The following USH2A variants were observed in gnomAD, a reference collection of about 807,000 sequenced individuals.
USH2A encodes usherin, also known as Usher syndrome 2A (autosomal recessive, mild).
Under a neutral mutation model 538.9 loss-of-function variants are expected in USH2A, and 443 were observed. That is an observed-to-expected ratio of 0.82 (90% CI 0.76 to 0.89). The LOEUF (loss-of-function observed/expected upper bound fraction) is 0.89, where lower values mean the gene tolerates loss of function less well. Ranked by LOEUF, USH2A falls within the 40% of genes least tolerant of loss-of-function variation. The pLI is 0.00. For synonymous variants in USH2A, 2,413 were observed against 2,273.5 expected (o/e 1.06, Z -1.75); for missense variants, 6,633 against 6,324.8 (o/e 1.05, Z -1.65).
At chr1:215,649,728 C>T (rs1016515504) in intron 65 of USH2A, among the ~76,000 whole-genome samples, 1 of 152,144 alleles carries the variant, frequency 6.6e-6, no homozygotes, top group African/African-American at 2.4e-5. Flanking sequence ...CCAAATTGTT[C>T]CCTAAATTGG....
chr1:215,786,554 G>C, intron 52 of USH2A, 116 bp downstream of exon 52: 1 of 1,143,602 alleles, frequency 8.7e-7, no homozygotes, highest in Non-Finnish European at 1.3e-6. Context: ...AAAGTATGAT[G>C]GAATGTACTG....
At chr1:215,979,673 A>T (rs1035990406) in intron 35 of USH2A, among the ~76,000 whole-genome samples, 6 of 152,168 alleles carry the variant, frequency 3.9e-5, no homozygotes, top group African/African-American at 1.2e-4. Context: ...GGCAGAAGAA[A>T]TATCTTTAGC....
At position 215,758,621 on chromosome 1, in the gene USH2A, G is replaced by C; in HGVS notation, c.11363C>G (p.Ser3788Cys). Residue 3788 changes from serine (S) to cysteine (C), a missense_variant, in exon 58 of 72, where the codon TCT (serine) becomes TGT (cysteine). By Grantham distance (112) the Ser-to-Cys change is moderately radical (BLOSUM62 -1). Coordinates refer to ENST00000307340, the MANE Select transcript of USH2A (RefSeq NM_206933.4). ...TGGTGGTATCCAAGCTACAAATATA[G>C]AATAAGGCCCAATTACTGTGATATT... The part of the protein sequence containing the change: ...PYNITVIGPY[S>C]IFVAWIPPGI... 2 of 1,611,594 alleles carry C rather than the reference G, an allele frequency of 1.2e-6. No homozygotes were observed. Among genetic ancestry groups the C allele is most frequent in the Non-Finnish European group, 1.7e-6 (2 of 1,179,396 alleles).
intron 32 of USH2A, among the ~76,000 whole-genome samples, chr1:216,015,030 C>T (rs182344731): frequency 1.5e-3 from 222 of 152,286 alleles, no homozygotes; most frequent in African/African-American, 5.3e-3. Flanking sequence ...TTGTCTGGGT[C>T]TTCTTCCGAA....
chr1:216,064,790 C>A (rs963252947), intron 30 of USH2A, among the ~76,000 whole-genome samples: 34 of 152,114 alleles, frequency 2.2e-4, no homozygotes, highest in Admixed American at 2.0e-3. Flanking sequence ...ATAGGCTACA[C>A]CATCTAGCCT....
In USH2A at chr1:215,741,549, A is replaced by G. The variant is rs753840451; in HGVS notation, c.11549-12T>C. On this transcript the variant is annotated splice_polypyrimidine_tract_variant and intron_variant, in intron 59 of 71. Coordinates refer to ENST00000307340, the MANE Select transcript of USH2A (RefSeq NM_206933.4). ...AACTCCACAACTTCCTTGAAAAAAA[A>G]AAAATTGAGGTCTTTATTATTTTTC... The G allele has an allele frequency of 6.2e-7, 1 of 1,612,262 alleles. No homozygotes were observed. Among genetic ancestry groups the G allele is most frequent in the South Asian group, 1.1e-5 (1 of 90,316 alleles).
At chr1:216,174,990 A>T in intron 21 of USH2A, 2 of 1,295,658 alleles carry the variant, frequency 1.5e-6, no homozygotes, top group Non-Finnish European at 2.0e-6. Flanking sequence ...AAAAAGACAA[A>T]TACAAAGCAC....
chr1:216,175,704 C>T (rs1044447657), intron 20 of USH2A, among the ~76,000 whole-genome samples: 51 of 152,118 alleles, frequency 3.4e-4, no homozygotes, highest in Non-Finnish European at 1.0e-4. Context: ...ACACACAAAA[C>T]TTTCAAATTA....
chr1:215,867,063 T>A lies in USH2A; in HGVS notation c.8789A>T (p.Asn2930Ile), dbSNP rs778607993. The A allele has an allele frequency of 2.5e-6, 4 of 1,614,166 alleles. No individual in the cohort carries two copies. The Admixed American group carries it at 5.0e-5, about 20-fold the overall frequency. ...GTGGTTAAGGACACTCGCAGTGAGATTGGCTCCTCTCTCTGGAAGACCAGC... is the reference window on the plus strand; with the variant it reads ...GTGGTTAAGGACACTCGCAGTGAGAATGGCTCCTCTCTCTGGAAGACCAGC... ...TLAGLPERGA[N>I]LTASVLNHTA... The change falls in exon 44 of 72, where the codon AAT (asparagine) becomes ATT (isoleucine). Residue 2930 changes from asparagine to isoleucine, a missense_variant. Coordinates refer to ENST00000307340, the MANE Select transcript of USH2A (RefSeq NM_206933.4).
chr1:215,964,334 G>A (rs544906637), intron 37 of USH2A, among the ~76,000 whole-genome samples: 1 of 152,256 alleles, frequency 6.6e-6, no homozygotes, highest in East Asian at 1.9e-4. Context: ...CAATCTTTGA[G>A]GGGATCAGCT....
chr1:216,002,810 C>T (rs562012258), intron 32 of USH2A, among the ~76,000 whole-genome samples: 63 of 152,194 alleles, frequency 4.1e-4, no homozygotes, highest in South Asian at 1.9e-3. Context: ...TGCTTGCTTG[C>T]GTATGTTTCC....
At chr1:215,914,624 C>T (rs1389487511) in intron 38 of USH2A, among the ~76,000 whole-genome samples, 1 of 152,126 alleles carries the variant, frequency 6.6e-6, no homozygotes, top group African/African-American at 2.4e-5. Flanking sequence ...TGAAACCAAG[C>T]TCTAAGTACC....
intron 21 of USH2A, among the ~76,000 whole-genome samples, chr1:216,143,869 T>G (rs1403692977): frequency 6.6e-6 from 1 of 152,148 alleles, no homozygotes; most frequent in African/African-American, 2.4e-5. Flanking sequence ...CATGGCAAGG[T>G]CAGTGACTAC....
intron 10 of USH2A, among the ~76,000 whole-genome samples, chr1:216,291,825 G>A (rs944193578): frequency 6.6e-6 from 1 of 152,142 alleles, no homozygotes; most frequent in African/African-American, 2.4e-5. Flanking sequence ...GGGGACAAAA[G>A]GAAACTTACT....
At chr1:216,124,754 C>T (rs1291016290) in intron 21 of USH2A, among the ~76,000 whole-genome samples, 1 of 152,170 alleles carries the variant, frequency 6.6e-6, no homozygotes, top group Non-Finnish European at 1.5e-5. Flanking sequence ...GTAATGTTCA[C>T]AATGCCATTT....
At chr1:216,071,159 C>T (rs2031545171) in intron 29 of USH2A, among the ~76,000 whole-genome samples, 1 of 152,186 alleles carries the variant, frequency 6.6e-6, no homozygotes. Flanking sequence ...TCTAGCTGCT[C>T]ATGGACTCCT....
chr1:215,945,620 T>C (rs1360338179), intron 37 of USH2A, among the ~76,000 whole-genome samples: 3 of 152,182 alleles, frequency 2.0e-5, no homozygotes, highest in Non-Finnish European at 2.9e-5. Flanking sequence ...ATATTTTAAG[T>C]CTTTATTTTT....
At chr1:216,254,534 GAC>G (rs2036224088) in intron 11 of USH2A, among the ~76,000 whole-genome samples, 1 of 152,154 alleles carries the variant, frequency 6.6e-6, no homozygotes, top group Admixed American at 6.5e-5. Context: ...GATTCAAACA[GAC>G]AATTTAAAAT....
intron 21 of USH2A, among the ~76,000 whole-genome samples, chr1:216,151,266 T>C (rs2033826014): frequency 6.6e-6 from 1 of 152,046 alleles, no homozygotes; most frequent in Non-Finnish European, 1.5e-5. Flanking sequence ...CTTCTCACCT[T>C]TTTACTTTAC....
Sources: gnomAD v4.1 joint callset for allele counts (sites outside exome capture counted in the v4.1 genomes callset) on GRCh38, gnomAD v4.1.1 for gene constraint, MANE v1.5 for transcripts, NCBI Gene and HGNC (gene_info 2026-07-23, HGNC 2026-07-21) for gene names.